Variants in RMND1 observed in about 807,000 individuals in gnomAD.
The protein encoded by RMND1 is required for meiotic nuclear division 1 homolog.
A neutral mutation model predicts 54.0 loss-of-function variants in RMND1; 41 were observed. The ratio of observed to expected loss-of-function variants is 0.76; its 90% CI spans 0.59 to 0.98. The LOEUF is 0.98. Among genes scored for constraint, RMND1 ranks in the 50% least tolerant of loss-of-function variants. The probability of loss-of-function intolerance (pLI) is 0.00; values close to 1 mark genes in which losing one functional copy is unlikely to be tolerated. For synonymous variants in RMND1, 183 were observed against 181.7 expected (o/e 1.01, Z -0.06); for missense variants, 457 against 532.0 (o/e 0.86, Z 1.39).
At chr6:151,447,445 G>C (rs989247430) in intron 1 of RMND1, among the ~76,000 whole-genome samples, 1 of 152,148 alleles carries the variant, frequency 6.6e-6, no homozygotes, top group Non-Finnish European at 1.5e-5. Flanking sequence ...CACTGATTAG[G>C]AAACTGAGGT....
chr6:151,426,196 C>G (rs1002028121), intron 6 of RMND1, among the ~76,000 whole-genome samples: 1 of 152,162 alleles, frequency 6.6e-6, no homozygotes, highest in African/African-American at 2.4e-5. Flanking sequence ...ATCCTCCCAC[C>G]CTGGCCTCCC....
chr6:151,417,485 A>T, intron 9 of RMND1, 86 bp from the exon 10 acceptor site: 2 of 1,156,802 alleles, frequency 1.7e-6, no homozygotes, highest in African/African-American at 1.6e-5. Flanking sequence ...ATAGTGCTTT[A>T]TGAAAACTTT....
Position 151,423,605 on chromosome 6 carries a change from T to TCC in RMND1, c.855_856dup (p.Glu286GlyfsTer5). ...ATCCAGCTCTGAATTTAACTTGATT[T>TCC]CCCCCCTGTGAAGTTTTGACTGTCC... On this transcript the variant is annotated frameshift_variant, in exon 7 of 12. Coordinates refer to ENST00000444024, the MANE Select transcript of RMND1 (RefSeq NM_017909.4). LOFTEE classifies it high-confidence loss of function. The TCC allele has an allele frequency of 2.5e-6, 4 of 1,613,796 alleles. No individual in the cohort carries two copies. The highest frequency in any genetic ancestry group is 3.4e-6 in the Non-Finnish European group (4 of 1,179,784).
At chr6:151,422,676 A>G (rs566264570) in intron 7 of RMND1, 71 bp from the exon 8 acceptor site, 9 of 651,232 alleles carry the variant, frequency 1.4e-5, no homozygotes, top group Non-Finnish European at 2.3e-5. Context: ...ACATAATTGC[A>G]CAGCATCTTC....
intron 2 of RMND1, among the ~76,000 whole-genome samples, chr6:151,437,365 C>G (rs574173654): frequency 3.9e-5 from 6 of 152,072 alleles, no homozygotes; most frequent in Admixed American, 6.5e-5. Flanking sequence ...TACTCTAGGT[C>G]GCTATGTATG....
Position 151,405,074 on chromosome 6 carries a change from G to T in RMND1, c.*161C>A. The T allele has an allele frequency of 3.5e-6, 2 of 578,568 alleles. No homozygotes were observed. The highest frequency in any genetic ancestry group is 2.0e-5 in the African/African-American group (1 of 51,152). The allele number at this position is 578,568 out of a possible 1,614,324, so 35.8% of individuals were successfully genotyped here. On this transcript the variant is annotated 3_prime_UTR_variant, in exon 12 of 12. Coordinates refer to ENST00000444024, the MANE Select transcript of RMND1 (RefSeq NM_017909.4). ...AGTAGAGATGGGGTTTCACCATGTT[G>T]GCCAGGCTTGTCTTGAGCTCCTGAT...
intron 9 of RMND1, among the ~76,000 whole-genome samples, chr6:151,418,201 T>A (rs2114931263): frequency 6.6e-6 from 1 of 152,082 alleles, no homozygotes; most frequent in Middle Eastern, 3.4e-3. Context: ...ATTGCTCGAG[T>A]CTGTGAGTTC....
intron 5 of RMND1, among the ~76,000 whole-genome samples, chr6:151,429,491 C>T (rs549400361): frequency 6.6e-6 from 1 of 152,194 alleles, no homozygotes; most frequent in South Asian, 2.1e-4. Context: ...TATTTTTTTA[C>T]ATGATTTCTA....
intron 5 of RMND1, among the ~76,000 whole-genome samples, chr6:151,428,637 T>A (rs1780371978): frequency 6.6e-6 from 1 of 152,066 alleles, no homozygotes; most frequent in African/African-American, 2.4e-5. Flanking sequence ...GTTCGAGCGA[T>A]CCCCCTGCCT....
intron 2 of RMND1, among the ~76,000 whole-genome samples, chr6:151,438,369 T>A (rs1780673899): frequency 6.6e-6 from 1 of 152,156 alleles, no homozygotes. Context: ...TGGCTACAGC[T>A]CATGTGCTTA....
At chr6:151,425,174 C>T (rs1780259153) in intron 6 of RMND1, among the ~76,000 whole-genome samples, 1 of 152,164 alleles carries the variant, frequency 6.6e-6, no homozygotes, top group African/African-American at 2.4e-5. Flanking sequence ...AACTCCTGAC[C>T]TCAAGTGATC....
Position 151,423,574 on chromosome 6 carries a change from A to T in RMND1, c.888T>A (p.Asp296Glu). 1.9e-6 allele frequency: 3 copies of T among 1,614,076 alleles called. No homozygotes were observed. The highest frequency in any genetic ancestry group is 2.5e-6 in the Non-Finnish European group (3 of 1,179,960). Reference sequence around the variant, plus strand: ...AAGCAAACTTCTCTAGAATGGCATCATCTAAATCCAGCTCTGAATTTAACT... The same window carrying T: ...AAGCAAACTTCTCTAGAATGGCATCTTCTAAATCCAGCTCTGAATTTAACT... ...EIKLNSELDLDDAILEKFAFS... is the reference protein window; with the variant it reads ...EIKLNSELDLEDAILEKFAFS... The change falls in exon 7 of 12, where the codon GAT becomes GAA. Residue 296 changes from aspartate (D) to glutamate (E), a missense_variant. By Grantham distance (45) the Asp-to-Glu change is conservative. Coordinates refer to ENST00000444024, the MANE Select transcript of RMND1 (RefSeq NM_017909.4).
chr6:151,449,391 A>C (rs1781061669), intron 1 of RMND1, among the ~76,000 whole-genome samples: 1 of 150,892 alleles, frequency 6.6e-6, no homozygotes, highest in South Asian at 2.1e-4. Flanking sequence ...AAAAAGCTAA[A>C]CCCCTCAGAA....
At position 151,436,611 on chromosome 6, in the gene RMND1, G is replaced by A. The variant is rs551900970; in HGVS notation, c.505-57C>T. The stretch of plus-strand genomic sequence containing the variant: ...ACCAAGAGGCTGAAGCATCTGTGAC[G>A]GCTGCTGAGCACCCTACTGGACTCC... On this transcript the variant is annotated intron_variant, in intron 2 of 11. Transcript: ENST00000444024. The A allele has an allele frequency of 1.2e-4, 196 of 1,577,830 alleles. No homozygotes were observed. In the African/African-American group the frequency reaches 1.6e-3, roughly 13 times the overall value.
At chr6:151,423,178 A>G (rs1199481708) in intron 7 of RMND1, among the ~76,000 whole-genome samples, 1 of 152,208 alleles carries the variant, frequency 6.6e-6, no homozygotes, top group Admixed American at 6.5e-5. Context: ...CTACACTGGG[A>G]CCTGTGCCCA....
intron 2 of RMND1, among the ~76,000 whole-genome samples, chr6:151,442,975 C>T (rs1477711699): frequency 2.0e-5 from 3 of 152,116 alleles, no homozygotes; most frequent in Admixed American, 6.5e-5. Flanking sequence ...TCCAGATGCA[C>T]GCTGTTCTGC....
rs780989264 is a variant in RMND1, at chr6:151,445,670, G to T, written c.142C>A (p.Gln48Lys). ...NTTCSTLTIRQSLDLFLPDKT... is the reference protein window; with the variant it reads ...NTTCSTLTIRKSLDLFLPDKT... Reference sequence around the variant, plus strand: ...TCAGGAAGGAACAAATCCAAGCTTTGACGTATTGTCAGTGTGCTGCATGTT... The same window carrying T: ...TCAGGAAGGAACAAATCCAAGCTTTTACGTATTGTCAGTGTGCTGCATGTT... Residue 48 changes from glutamine to lysine, a missense_variant, in exon 2 of 12, where the codon CAA becomes AAA. Gln to Lys is a moderately conservative substitution (Grantham distance 53). Transcript: ENST00000444024. 2 of 1,614,110 alleles carry T rather than the reference G, an allele frequency of 1.2e-6. No individual in the cohort carries two copies. Among genetic ancestry groups the T allele is most frequent in the South Asian group, 2.2e-5 (2 of 91,080 alleles).
chr6:151,410,321 C>T (rs1339788584), intron 10 of RMND1, among the ~76,000 whole-genome samples: 1 of 152,162 alleles, frequency 6.6e-6, no homozygotes, highest in Non-Finnish European at 1.5e-5. Context: ...TCCCAAAATG[C>T]TGGGATTACA....
chr6:151,437,437 A>G (rs922853249), intron 2 of RMND1, among the ~76,000 whole-genome samples: 3 of 152,248 alleles, frequency 2.0e-5, no homozygotes, highest in Non-Finnish European at 2.9e-5. Flanking sequence ...AGCTATTGGC[A>G]TAAGAGTTAA....
Sources: gnomAD v4.1 joint callset for allele counts (sites outside exome capture counted in the v4.1 genomes callset) on GRCh38, gnomAD v4.1.1 for gene constraint, MANE v1.5 for transcripts, NCBI Gene and HGNC (gene_info 2026-07-23, HGNC 2026-07-21) for gene names.